The following PDE10A variants were observed in gnomAD, a reference collection of about 807,000 sequenced individuals.
PDE10A encodes the protein phosphodiesterase 10A.
In PDE10A, 39 loss-of-function variants were observed where a neutral mutation model predicts 97.7. That is an observed-to-expected ratio of 0.40 (90% CI 0.31 to 0.52). The LOEUF is 0.52. PDE10A is among the 20% of genes least tolerant of loss of function. PDE10A has a pLI of 0.56. For missense variants in PDE10A, 731 were observed against 1,047.8 expected, an observed-to-expected ratio of 0.70 and a Z score of 4.17; for synonymous variants, 371 against 376.8, an observed-to-expected ratio of 0.98 and a Z score of 0.18.
chr6:165,452,527 T>TCCC (rs1791376138), intron 3 of PDE10A, among the ~76,000 whole-genome samples: 1 of 152,148 alleles, frequency 6.6e-6, no homozygotes, highest in African/African-American at 2.4e-5. Context: ...ATATCTTTGG[T>TCCC]CCCCTTCCCT....
intron 13 of PDE10A, among the ~76,000 whole-genome samples, chr6:165,408,018 C>T (rs1358487333): frequency 1.3e-5 from 2 of 152,116 alleles, no homozygotes; most frequent in Non-Finnish European, 2.9e-5. Context: ...TTAACATGGC[C>T]TATGTGCCCT....
chr6:165,940,469 C>T (rs565914228), intron 1 of PDE10A: 1 of 152,280 alleles, frequency 6.6e-6, no homozygotes, highest in Non-Finnish European at 1.5e-5. Flanking sequence ...ACAACACGCC[C>T]TCTCGGAAAG....
chr6:165,396,886 C>A (rs1304715029), intron 13 of PDE10A, among the ~76,000 whole-genome samples: 1 of 152,202 alleles, frequency 6.6e-6, no homozygotes, highest in Non-Finnish European at 1.5e-5. Context: ...TTCACCTGCA[C>A]ATCAAATTCA....
At chr6:165,569,479 T>C (rs1374589809) in intron 1 of PDE10A, among the ~76,000 whole-genome samples, 1 of 152,236 alleles carries the variant, frequency 6.6e-6, no homozygotes, top group African/African-American at 2.4e-5. Context: ...GATATCACCA[T>C]TGTTTAAGTG....
chr6:165,442,191 G>A (rs1053874225), intron 5 of PDE10A, among the ~76,000 whole-genome samples: 10 of 152,006 alleles, frequency 6.6e-5, no homozygotes, highest in Admixed American at 6.6e-5. Context: ...TGTGCACAAC[G>A]TGCAGGTTAG....
intron 11 of PDE10A, among the ~76,000 whole-genome samples, chr6:165,416,834 G>A (rs1046829791): frequency 1.3e-5 from 2 of 152,060 alleles, no homozygotes; most frequent in Non-Finnish European, 1.5e-5. Context: ...CAGAAATAAC[G>A]CAATGTACAA....
intron 1 of PDE10A, among the ~76,000 whole-genome samples, chr6:165,748,306 A>G (rs1157421064): frequency 6.6e-6 from 1 of 152,232 alleles, no homozygotes; most frequent in Non-Finnish European, 1.5e-5. Flanking sequence ...CTTTCCCTGA[A>G]TATAAATACA....
intron 1 of PDE10A, among the ~76,000 whole-genome samples, chr6:165,932,076 C>A (rs2016694): frequency 0.099 from 15,006 of 151,966 alleles, 1,010 homozygotes; most frequent in African/African-American, 0.18. Flanking sequence ...AGTGCCGGTC[C>A]CAGGAAATGC....
Position 165,563,003 on chromosome 6 carries a change from C to G in PDE10A, c.866-19435G>C, listed in dbSNP as rs147557431. Among the ~76,000 whole-genome samples, 1,477 of 152,104 alleles carry G rather than the reference C, an allele frequency of 9.7e-3. 15 individuals carry two copies. The highest frequency in any genetic ancestry group is 0.017 in the Non-Finnish European group (1,167 of 67,996). ...ATCCACAGAAAGCATCAACGGTGCT[C>G]ACGTTGAGAAATCCTGTTTTCAACA... On this transcript the variant is annotated intron_variant, in intron 1 of 21. Transcript: ENST00000539869.
chr6:165,744,011 A>T (rs1792789389), intron 1 of PDE10A, among the ~76,000 whole-genome samples: 1 of 152,160 alleles, frequency 6.6e-6, no homozygotes, highest in Admixed American at 6.5e-5. Flanking sequence ...GACTTCGGAG[A>T]ATGATTGATC....
At chr6:165,905,999 CCTTCCTTCCT>C in intron 1 of PDE10A, among the ~76,000 whole-genome samples, 1 of 59,700 alleles carries the variant, frequency 1.7e-5, no homozygotes, top group Non-Finnish European at 3.2e-5. Flanking sequence ...TTCCTTCCTT[CCTTCCTTCCT>C]TCCTTCCCTC....
chr6:165,644,570 G>A (rs1287754780), intron 1 of PDE10A, among the ~76,000 whole-genome samples: 1 of 152,208 alleles, frequency 6.6e-6, no homozygotes, highest in African/African-American at 2.4e-5. Context: ...GACGCCAAAT[G>A]TGTAGGATCT....
chr6:165,334,766 A>AT (rs752791482), intron 21 of PDE10A, among the ~76,000 whole-genome samples: 3 of 152,204 alleles, frequency 2.0e-5, no homozygotes, highest in Non-Finnish European at 2.9e-5. Flanking sequence ...GGCTCAACAG[A>AT]ACAAGGTGGG....
At chr6:165,869,270 A>G (rs1781135912) in intron 1 of PDE10A, among the ~76,000 whole-genome samples, 1 of 152,134 alleles carries the variant, frequency 6.6e-6, no homozygotes, top group Admixed American at 6.5e-5. Context: ...TCAACATACA[A>G]AAGTTAGTAG....
In PDE10A at chr6:165,388,604, A is replaced by C; in HGVS notation, c.2455-151T>G. On this transcript the variant is annotated intron_variant, in intron 16 of 21. Coordinates refer to ENST00000539869, the MANE Select transcript of PDE10A (RefSeq NM_001385079.1). The surrounding 1 kb of genome is among the most constrained non-coding windows in gnomAD (Gnocchi z 4.0). The stretch of plus-strand genomic sequence containing the variant: ...AAAGAATCCTATACAAATAGAGCAA[A>C]CCCTTAGGAATCTTGGAAATTCCAG... 1.5e-6 allele frequency: 1 copy of C among 661,904 alleles called. No individual in the cohort carries two copies. Among genetic ancestry groups the C allele is most frequent in the Non-Finnish European group, 2.6e-6 (1 of 389,882 alleles). The allele number at this position is 661,904 out of a possible 1,614,324, so 41.0% of individuals were successfully genotyped here.
intron 1 of PDE10A, among the ~76,000 whole-genome samples, chr6:165,907,859 G>C (rs1309812599): frequency 6.6e-6 from 1 of 152,232 alleles, no homozygotes; most frequent in Non-Finnish European, 1.5e-5. Flanking sequence ...AGTTTGTTCA[G>C]AGGCAGAGAG....
intron 1 of PDE10A, among the ~76,000 whole-genome samples, chr6:165,794,167 C>G (rs781090999): frequency 6.6e-6 from 1 of 151,080 alleles, no homozygotes; most frequent in Non-Finnish European, 1.5e-5. Flanking sequence ...ACTGCACACT[C>G]ATACACTCCC....
intron 1 of PDE10A, among the ~76,000 whole-genome samples, chr6:165,791,333 A>C (rs1778643472): frequency 6.6e-6 from 1 of 152,018 alleles, no homozygotes; most frequent in African/African-American, 2.4e-5. Context: ...CTCCAGGTTC[A>C]CCTATGCTGC....
rs1470426856 is a variant in PDE10A, at chr6:165,332,727, G to T, written c.*298C>A. 2.9e-6 allele frequency: 1 copy of T among 346,270 alleles called. No individual in the cohort carries two copies. Among genetic ancestry groups the T allele is most frequent in the Non-Finnish European group, 5.2e-6 (1 of 190,828 alleles). 21.4% of individuals were successfully genotyped at this position (346,270 alleles called of 1,614,324 possible). On this transcript the variant is annotated 3_prime_UTR_variant, in exon 22 of 22. Coordinates refer to ENST00000539869, the MANE Select transcript of PDE10A (RefSeq NM_001385079.1). ...ATAATTTTTGTCCATTTCCTTTAAGGCCTCAGCAATATTAGCCTATTAGAA... is the reference window on the plus strand; with the variant it reads ...ATAATTTTTGTCCATTTCCTTTAAGTCCTCAGCAATATTAGCCTATTAGAA...
Sources: allele counts gnomAD v4.1 joint callset (sites outside exome capture counted in the v4.1 genomes callset), GRCh38; gene constraint gnomAD v4.1.1; non-coding constraint Gnocchi (gnomAD v3.1); transcripts MANE v1.5; gene names NCBI Gene and HGNC (gene_info 2026-07-23, HGNC 2026-07-21).